Variants in EAPP observed in about 807,000 individuals in gnomAD.
EAPP encodes E2F associated phosphoprotein.
Under a neutral mutation model 34.3 loss-of-function variants are expected in EAPP, and 38 were observed. The observed-to-expected ratio is 1.11, with a 90% CI of 0.85 to 1.45. EAPP has a LOEUF of 1.45. EAPP is among the 40% of genes most tolerant of loss of function. The pLI is 0.00. For synonymous variants in EAPP, 113 were observed against 117.6 expected (o/e 0.96, Z 0.25); for missense variants, 338 against 343.7 (o/e 0.98, Z 0.13).
chr14:34,518,623 G>C (rs879553223), intron 5 of EAPP, among the ~76,000 whole-genome samples: 3 of 152,076 alleles, frequency 2.0e-5, no homozygotes, highest in Admixed American at 2.0e-4. Context: ...GAGCCACTGC[G>C]CCCAGCCCCT....
intron 1 of EAPP, 172 bp downstream of exon 1, chr14:34,539,383 C>G (rs888634110): frequency 1.8e-5 from 13 of 736,944 alleles, no homozygotes; most frequent in African/African-American, 6.9e-5. Context: ...CCGCCTCCCC[C>G]CGGGACTGCG....
intron 5 of EAPP, among the ~76,000 whole-genome samples, chr14:34,518,416 C>T (rs150601347): frequency 0.03 from 4,008 of 135,610 alleles, 71 homozygotes; most frequent in Middle Eastern, 0.11. Flanking sequence ...CTCACTGCAA[C>T]CTTCACCTCC....
At chr14:34,532,242 G>A (rs1880320491) in intron 3 of EAPP, among the ~76,000 whole-genome samples, 1 of 151,852 alleles carries the variant, frequency 6.6e-6, no homozygotes, top group Admixed American at 6.6e-5. Context: ...TGGATCACCT[G>A]AGGTCAGGAG....
intron 1 of EAPP, 186 bp downstream of exon 1, chr14:34,539,369 G>A: frequency 1.4e-6 from 1 of 713,642 alleles, no homozygotes; most frequent in African/African-American, 1.7e-5. Flanking sequence ...AGGCGACATC[G>A]GCACCGCCTC....
At chr14:34,537,833 G>C (rs1880525801) in intron 1 of EAPP, among the ~76,000 whole-genome samples, 1 of 152,136 alleles carries the variant, frequency 6.6e-6, no homozygotes, top group Non-Finnish European at 1.5e-5. Flanking sequence ...TGACCCAGGA[G>C]TCTCATGTCT....
intron 4 of EAPP, among the ~76,000 whole-genome samples, chr14:34,527,044 C>G (rs867145118): frequency 6.6e-6 from 1 of 151,556 alleles, no homozygotes; most frequent in Non-Finnish European, 1.5e-5. Context: ...GTGGCACATG[C>G]CTGTAATCCC....
At chr14:34,533,015 A>G (rs1022478928) in intron 3 of EAPP, among the ~76,000 whole-genome samples, 3 of 149,500 alleles carry the variant, frequency 2.0e-5, no homozygotes, top group African/African-American at 7.4e-5. Context: ...TTTTGTTTTC[A>G]CATCAATGGC....
chr14:34,536,685 G>A (rs1346687212), intron 1 of EAPP, among the ~76,000 whole-genome samples: 2 of 151,846 alleles, frequency 1.3e-5, no homozygotes, highest in Non-Finnish European at 1.5e-5. Context: ...GTTTCGCCAT[G>A]TTGCCCAGGA....
intron 3 of EAPP, among the ~76,000 whole-genome samples, chr14:34,529,843 G>A (rs1357082797): frequency 6.6e-6 from 1 of 151,658 alleles, no homozygotes; most frequent in African/African-American, 2.4e-5. Flanking sequence ...TGGTGAAACC[G>A]CCTCTCTACT....
chr14:34,528,995 G>A (rs1466253910), intron 4 of EAPP, among the ~76,000 whole-genome samples: 1 of 151,884 alleles, frequency 6.6e-6, no homozygotes, highest in Non-Finnish European at 1.5e-5. Flanking sequence ...AATTAGCTGT[G>A]TGTGGTGGCA....
Position 34,520,037 on chromosome 14 carries a change from CA to C in EAPP, c.582-3452del, listed in dbSNP as rs560225831. ...GTAAGCTTGGATTACAGGTGTCCGCCACGACTTCCGGCTAATTTTTTATATT... is the reference window on the plus strand; with the variant it reads ...GTAAGCTTGGATTACAGGTGTCCGCCCGACTTCCGGCTAATTTTTTATATT... On this transcript the variant is annotated intron_variant, in intron 5 of 5. Coordinates refer to ENST00000250454, the MANE Select transcript of EAPP (RefSeq NM_018453.4). 1.1e-3 allele frequency among the ~76,000 whole-genome samples: 172 copies of C among 151,302 alleles called. 1 individual carries two copies. Among genetic ancestry groups the C allele is most frequent in the African/African-American group, 4.0e-3 (165 of 41,222 alleles).
In EAPP at chr14:34,524,741, C is replaced by G; in HGVS notation, c.537G>C (p.Leu179Phe). 1 of 1,611,784 alleles carries G rather than the reference C, an allele frequency of 6.2e-7. No individual in the cohort carries two copies. The highest frequency in any genetic ancestry group is 8.5e-7 in the Non-Finnish European group (1 of 1,179,412). Residue 179 changes from leucine to phenylalanine, a missense_variant, in exon 5 of 6, where the codon TTG becomes TTC. By Grantham distance (22) the Leu-to-Phe change is conservative. Coordinates refer to ENST00000250454, the MANE Select transcript of EAPP (RefSeq NM_018453.4). ...GTGTGGTCATGCAGGCAGGACAATT[C>G]AAGACAGCATCACTATTTGGAACAG... ...QQPVPNSDAV[L>F]NCPACMTTLC... is the part of the protein sequence containing the mutation.
intron 5 of EAPP, among the ~76,000 whole-genome samples, chr14:34,519,382 A>G (rs1174466442): frequency 6.6e-6 from 1 of 152,050 alleles, no homozygotes; most frequent in Non-Finnish European, 1.5e-5. Flanking sequence ...TAAAAATACA[A>G]AAATTAGCCA....
intron 1 of EAPP, among the ~76,000 whole-genome samples, chr14:34,536,906 G>A (rs1233724354): frequency 6.6e-6 from 1 of 151,746 alleles, no homozygotes; most frequent in Non-Finnish European, 1.5e-5. Context: ...TAGATAGATA[G>A]ATATCCTGGT....
intron 4 of EAPP, among the ~76,000 whole-genome samples, chr14:34,525,691 A>C (rs1205414336): frequency 1.3e-5 from 2 of 152,188 alleles, no homozygotes; most frequent in African/African-American, 4.8e-5. Context: ...ATAAAAACTA[A>C]GGAAATGTTT....
chr14:34,532,674 C>CTT (rs1382526657), intron 3 of EAPP, among the ~76,000 whole-genome samples: 35 of 136,042 alleles, frequency 2.6e-4, no homozygotes, highest in South Asian at 7.1e-4. Context: ...GTGTCCCCAG[C>CTT]TTTTTTTTTT....
At chr14:34,530,312 C>T (rs960421982) in intron 3 of EAPP, among the ~76,000 whole-genome samples, 2 of 152,006 alleles carry the variant, frequency 1.3e-5, no homozygotes. Context: ...ACAAGAGGAT[C>T]GCTTGAGGCC....
chr14:34,518,666 T>C (rs949358976), intron 5 of EAPP, among the ~76,000 whole-genome samples: 2 of 152,152 alleles, frequency 1.3e-5, no homozygotes, highest in African/African-American at 4.8e-5. Flanking sequence ...ACCTGGGAGT[T>C]CCAATGTTGG....
rs962544128 is a variant in EAPP at position 34,516,205 on chromosome 14, A to G, written c.*105T>C. On this transcript the variant is annotated 3_prime_UTR_variant, in exon 6 of 6. Coordinates refer to ENST00000250454, the MANE Select transcript of EAPP (RefSeq NM_018453.4). ...ACTATTCTCCTTTAAAAAGAGAAAC[A>G]CTGCTTCCTCAATGTCACTGAAGGA... The G allele has an allele frequency of 7.2e-5, 79 of 1,091,992 alleles. No individual in the cohort carries two copies. Among genetic ancestry groups the G allele is most frequent in the Non-Finnish European group, 9.5e-5 (73 of 768,490 alleles). The allele number at this position is 1,091,992 out of a possible 1,614,324, so 67.6% of individuals were successfully genotyped here.
Sources: gnomAD v4.1 joint callset for allele counts (sites outside exome capture counted in the v4.1 genomes callset) on GRCh38, gnomAD v4.1.1 for gene constraint, MANE v1.5 for transcripts, NCBI Gene and HGNC (gene_info 2026-07-23, HGNC 2026-07-21) for gene names.